Variants in ATXN2 observed in about 807,000 individuals in gnomAD.
ATXN2 encodes the protein ataxin 2.
In ATXN2, 37 loss-of-function variants were observed where a neutral mutation model predicts 138.6. The ratio of observed to expected loss-of-function variants is 0.27; its 90% CI spans 0.21 to 0.35. ATXN2 has a LOEUF of 0.35. ATXN2 is among the 10% of genes least tolerant of loss of function. ATXN2 has a pLI of 1.00. For missense variants in ATXN2, 1,216 were observed against 1,480.3 expected (o/e 0.82, Z 2.93); for synonymous variants, 549 against 543.7 (o/e 1.01, Z -0.13).
rs1206686959 is a variant in ATXN2 at position 111,518,435 on chromosome 12, T to C, written c.987-8A>G. The C allele has an allele frequency of 6.9e-6, 11 of 1,588,442 alleles. No individual in the cohort carries two copies. Among genetic ancestry groups the C allele is most frequent in the Admixed American group, 1.7e-5 (1 of 57,656 alleles). ...GGAATATATTTATTTTCCCTGAAAA[T>C]GAGAGATCCTCTAAATCATTTTATT... On this transcript the variant is annotated splice_polypyrimidine_tract_variant and splice_region_variant and intron_variant, in intron 8 of 24. Transcript: ENST00000673436.
intron 14 of ATXN2, among the ~76,000 whole-genome samples, chr12:111,507,301 CT>C (rs1879199237): frequency 6.6e-6 from 1 of 152,016 alleles, no homozygotes; most frequent in African/African-American, 2.4e-5. Flanking sequence ...TGAGGAGCGC[CT>C]CTGCCCGGCC....
chr12:111,516,075 G>T lies in ATXN2; in HGVS notation c.1375+79C>A, dbSNP rs1282037873. On this transcript the variant is annotated intron_variant, in intron 10 of 24. Transcript: ENST00000673436. This position sits in a 1 kb window ranked among gnomAD's most constrained non-coding sequence, Gnocchi z 5.0. ...TTATAGGTTATTAAATAATGAAGAG[G>T]AAACTATTTTGTAATTATAAACTCA... 6.1e-6 allele frequency: 8 copies of T among 1,310,850 alleles called. No homozygotes were observed. Among genetic ancestry groups the T allele is most frequent in the Non-Finnish European group, 7.3e-6 (7 of 959,418 alleles). The allele number at this position is 1,310,850 out of a possible 1,614,324, so 81.2% of individuals were successfully genotyped here.
At chr12:111,484,285 CT>C (rs771539297) in intron 18 of ATXN2, among the ~76,000 whole-genome samples, 646 of 141,948 alleles carry the variant, frequency 4.6e-3, no homozygotes, top group Admixed American at 4.5e-3. Flanking sequence ...TTGGAATTAA[CT>C]TTTTTTTTTT....
intron 20 of ATXN2, chr12:111,469,314 T>C (rs949399594): frequency 6.6e-6 from 1 of 152,220 alleles, no homozygotes; most frequent in Non-Finnish European, 1.5e-5. Context: ...TAAAAACATA[T>C]TCTGAAAAAC....
At chr12:111,561,547 C>T (rs1882688178) in intron 1 of ATXN2, among the ~76,000 whole-genome samples, 1 of 151,838 alleles carries the variant, frequency 6.6e-6, no homozygotes, top group Admixed American at 6.6e-5. Context: ...AGCAAATACT[C>T]ACTTGGCTGG....
intron 2 of ATXN2, 95 bp from the exon 3 acceptor site, chr12:111,554,312 G>T: frequency 1.2e-6 from 1 of 858,290 alleles, no homozygotes; most frequent in Non-Finnish European, 1.6e-6. Flanking sequence ...TTTAGACTGC[G>T]GATTTTTTTC....
chr12:111,534,400 T>C (rs1039262390), intron 5 of ATXN2, among the ~76,000 whole-genome samples: 1 of 152,062 alleles, frequency 6.6e-6, no homozygotes, highest in Non-Finnish European at 1.5e-5. Context: ...AGACCCCGTA[T>C]ATAAAAAATA....
At chr12:111,591,910 T>C (rs1055804021) in intron 1 of ATXN2, among the ~76,000 whole-genome samples, 11 of 149,058 alleles carry the variant, frequency 7.4e-5, no homozygotes, top group African/African-American at 2.7e-4. Context: ...GGTGAAACCC[T>C]GTCTCTGCTA....
chr12:111,496,688 CA>C (rs1426404426), intron 14 of ATXN2, among the ~76,000 whole-genome samples: 5 of 151,770 alleles, frequency 3.3e-5, no homozygotes, highest in African/African-American at 1.2e-4. Context: ...TTCCTTGAAA[CA>C]AATGAAAATG....
At chr12:111,525,437 T>C (rs1363277762) in intron 5 of ATXN2, 121 bp from the exon 6 acceptor site, 1 of 1,169,988 alleles carries the variant, frequency 8.5e-7, no homozygotes, top group Non-Finnish European at 1.1e-6. Flanking sequence ...TTTCACATAA[T>C]TGTTTAACTT....
At chr12:111,595,564 C>T (rs1884892519) in intron 1 of ATXN2, among the ~76,000 whole-genome samples, 1 of 151,464 alleles carries the variant, frequency 6.6e-6, no homozygotes, top group Non-Finnish European at 1.5e-5. Context: ...ATCGCTTGAA[C>T]CCAGGAGTCA....
At position 111,565,151 on chromosome 12, in the gene ATXN2, T is replaced by A. The variant is rs952684313; in HGVS notation, c.252-9232A>T. 3.3e-5 allele frequency among the ~76,000 whole-genome samples: 5 copies of A among 150,084 alleles called. No individual in the cohort carries two copies. The South Asian group carries it at 1.0e-3, about 31-fold the overall frequency. Reference sequence around the variant, plus strand: ...TAATGCTTTATATTAAAATTTGAGGTTGATCCACCTACTGAAAAAAAAAAC... The same window carrying A: ...TAATGCTTTATATTAAAATTTGAGGATGATCCACCTACTGAAAAAAAAAAC... On this transcript the variant is annotated intron_variant, in intron 1 of 24. Transcript: ENST00000673436.
At chr12:111,477,783 G>A (rs1302867411) in intron 18 of ATXN2, among the ~76,000 whole-genome samples, 1 of 151,610 alleles carries the variant, frequency 6.6e-6, no homozygotes, top group Non-Finnish European at 1.5e-5. Context: ...TGTGAGACAG[G>A]GTCTGGCTCT....
In ATXN2 at chr12:111,488,601, G is replaced by C; in HGVS notation, c.2115C>G (p.Ser705=). The change falls in exon 15 of 25, where the codon TCC becomes TCG. Residue 705 remains serine (S), a synonymous_variant. Coordinates refer to ENST00000673436, the MANE Select transcript of ATXN2 (RefSeq NM_001372574.1). ...GCTCCGTGTTACTAAGTATTGAAGG[G>C]GAAATGCTGGGGCTATTCGGCTTGC... ...GSSKPNSPSI[S]PSILSNTEHK... is the part of the protein sequence containing the mutation. The C allele has an allele frequency of 6.2e-7, 1 of 1,614,132 alleles. No homozygotes were observed. Among genetic ancestry groups the C allele is most frequent in the Non-Finnish European group, 8.5e-7 (1 of 1,180,028 alleles).
intron 1 of ATXN2, among the ~76,000 whole-genome samples, chr12:111,586,291 A>G (rs1333212709): frequency 6.9e-6 from 1 of 144,702 alleles, no homozygotes; most frequent in Non-Finnish European, 1.5e-5. Flanking sequence ...GCACAATCTG[A>G]GCTCACTGCA....
intron 1 of ATXN2, among the ~76,000 whole-genome samples, chr12:111,590,671 G>A (rs1185850818): frequency 7.0e-6 from 1 of 142,132 alleles, no homozygotes; most frequent in Non-Finnish European, 1.5e-5. Context: ...GTGACAGAGC[G>A]AGACTCCATC....
At chr12:111,583,061 T>TGGCTCACTGCAACCTC (rs1884106236) in intron 1 of ATXN2, among the ~76,000 whole-genome samples, 2 of 144,000 alleles carry the variant, frequency 1.4e-5, no homozygotes, top group African/African-American at 5.2e-5. Flanking sequence ...GGCACAATCT[T>TGGCTCACTGCAACCTC]GGCTCACTGC....
At position 111,485,875 on chromosome 12, in the gene ATXN2, C is replaced by A; in HGVS notation, c.2305-10G>T. ...TAGTAGAAGGCTTTGGCTACAAAAA[C>A]AACAATAAATTCAATTATCTCAAGG... On this transcript the variant is annotated splice_polypyrimidine_tract_variant and intron_variant, in intron 16 of 24. Coordinates refer to ENST00000673436, the MANE Select transcript of ATXN2 (RefSeq NM_001372574.1). 2.5e-6 allele frequency: 4 copies of A among 1,612,918 alleles called. No individual in the cohort carries two copies. The South Asian group carries it at 3.3e-5, about 13-fold the overall frequency.
intron 14 of ATXN2, among the ~76,000 whole-genome samples, chr12:111,500,728 C>G (rs1380354317): frequency 6.6e-6 from 1 of 152,134 alleles, no homozygotes; most frequent in African/African-American, 2.4e-5. Context: ...CAAAAATTAG[C>G]TGGGCGTGGT....
Sources: gnomAD v4.1 joint callset for allele counts (sites outside exome capture counted in the v4.1 genomes callset) on GRCh38, gnomAD v4.1.1 for gene constraint, Gnocchi (gnomAD v3.1) non-coding constraint, MANE v1.5 for transcripts, NCBI Gene and HGNC (gene_info 2026-07-23, HGNC 2026-07-21) for gene names.